The following KCND1 variants were observed in gnomAD, a reference collection of about 807,000 sequenced individuals.
KCND1 encodes A-type voltage-gated potassium channel KCND1.
Under a neutral mutation model 31.8 loss-of-function variants are expected in KCND1, and 11 were observed. The ratio of observed to expected loss-of-function variants is 0.35; its 90% CI spans 0.22 to 0.57. The LOEUF is 0.57. KCND1 is among the 20% of genes least tolerant of loss of function. The probability of loss-of-function intolerance (pLI) is 0.85; values close to 1 mark genes in which losing one functional copy is unlikely to be tolerated. For synonymous variants in KCND1, 234 were observed against 248.1 expected (o/e 0.94, Z 0.53); for missense variants, 471 against 596.8 (o/e 0.79, Z 2.20).
rs782296079 is a variant in KCND1, at chrX:48,969,886, C to A, written c.386G>T (p.Gly129Val). The A allele has an allele frequency of 8.3e-7, 1 of 1,210,200 alleles. No individual in the cohort carries two copies. The highest frequency in any genetic ancestry group is 3.0e-5 in the East Asian group (1 of 33,737). Reference protein sequence around the residue: ...AFYGLVPELVGDCCLEEYRDR... With the variant: ...AFYGLVPELVVDCCLEEYRDR... ...CCGATACTCTTCAAGGCAGCAGTCA[C>A]CGACTAGCTCGGGAACCAGGCCGTA... Residue 129 changes from glycine to valine, a missense_variant, in exon 1 of 6, where the codon GGT (glycine) becomes GTT (valine). Physicochemically the swap from Gly to Val is moderately radical, Grantham distance 109. Coordinates refer to ENST00000218176, the MANE Select transcript of KCND1 (RefSeq NM_004979.6).
At position 48,971,628 on chromosome X, in the gene KCND1, G is replaced by A. The variant is rs1302394419; in HGVS notation, c.-1357C>T. On this transcript the variant is annotated 5_prime_UTR_variant, in exon 1 of 6. Coordinates refer to ENST00000218176, the MANE Select transcript of KCND1 (RefSeq NM_004979.6). ...AGGCCTGGGAAGGGCAAGGTCCAGT[G>A]GGACCCCTGGGGACTATCCCAGGAT... The A allele has an allele frequency of 1.8e-5, 2 of 111,772 alleles. No individual in the cohort carries two copies. Among genetic ancestry groups the A allele is most frequent in the African/African-American group, 6.5e-5 (2 of 30,657 alleles). The allele number at this position is 111,772 out of a possible 1,213,427, so 9.2% of individuals were successfully genotyped here. A position where few individuals can be genotyped will look rare whatever the true frequency, so the allele number is the denominator to read the frequency against.
rs1399209012 is a variant in KCND1 at position 48,969,845 on chromosome X, TCTC to T, written c.424_426del (p.Glu142del). 8.3e-7 allele frequency: 1 copy of T among 1,209,119 alleles called. No individual in the cohort carries two copies. On this transcript the variant is annotated inframe_deletion, in exon 1 of 6. Coordinates refer to ENST00000218176, the MANE Select transcript of KCND1 (RefSeq NM_004979.6). ...TCATCCTCTGCCAGGCGCTCGGCATTCTCCTTCTTTCGGTCCCGATACTCTTCA... is the reference window on the plus strand; with the variant it reads ...TCATCCTCTGCCAGGCGCTCGGCATTCTTCTTTCGGTCCCGATACTCTTCA...
Sources: allele counts gnomAD v4.1 joint callset, GRCh38; gene constraint gnomAD v4.1.1; transcripts MANE v1.5; gene names NCBI Gene and HGNC (gene_info 2026-07-23, HGNC 2026-07-21).